The following FAM227B variants were observed in gnomAD, a reference collection of about 807,000 sequenced individuals.
FAM227B encodes family with sequence similarity 227 member B.
Under a neutral mutation model 73.8 loss-of-function variants are expected in FAM227B, and 88 were observed. The observed-to-expected ratio is 1.19, with a 90% CI of 1.00 to 1.42. FAM227B has a LOEUF of 1.42. FAM227B is among the 40% of genes most tolerant of loss of function. The probability of loss-of-function intolerance (pLI) is 0.00; values close to 1 mark genes in which losing one functional copy is unlikely to be tolerated. For synonymous variants in FAM227B, 210 were observed against 190.5 expected (o/e 1.10, Z -0.84); for missense variants, 632 against 590.9 (o/e 1.07, Z -0.72).
chr15:49,531,224 T>A (rs1347988334), intron 10 of FAM227B, among the ~76,000 whole-genome samples: 3 of 151,904 alleles, frequency 2.0e-5, no homozygotes, highest in Non-Finnish European at 4.4e-5. Flanking sequence ...ATGTGTATGT[T>A]GATTTCATGT....
At chr15:49,328,825 A>G (rs1378639717) in intron 15 of FAM227B, 150 bp from the exon 16 acceptor site, 9 of 1,408,502 alleles carry the variant, frequency 6.4e-6, no homozygotes, top group South Asian at 1.7e-5. Context: ...ATTCAGACTC[A>G]TTTGAATATT....
chr15:49,463,476 G>A (rs149702691), intron 11 of FAM227B, among the ~76,000 whole-genome samples: 4,057 of 150,806 alleles, frequency 0.027, 128 homozygotes, highest in Non-Finnish European at 0.033. Flanking sequence ...ACTGGAACCC[G>A]GAAGGCAGAG....
intron 9 of FAM227B, among the ~76,000 whole-genome samples, chr15:49,550,633 C>T (rs2072831015): frequency 6.6e-6 from 1 of 152,042 alleles, no homozygotes; most frequent in African/African-American, 2.4e-5. Context: ...GCGCTCCTCA[C>T]ATCCCAGGTG....
At chr15:49,341,710 G>C (rs2040755637) in intron 13 of FAM227B, among the ~76,000 whole-genome samples, 1 of 152,080 alleles carries the variant, frequency 6.6e-6, no homozygotes, top group Non-Finnish European at 1.5e-5. Flanking sequence ...TCTTAACATG[G>C]TTTTTGCTGC....
chr15:49,385,335 T>C (rs1381360947), intron 11 of FAM227B, among the ~76,000 whole-genome samples: 1 of 151,942 alleles, frequency 6.6e-6, no homozygotes, highest in African/African-American at 2.4e-5. Context: ...TAAGTGACCT[T>C]AGGCAAATTA....
At chr15:49,441,680 C>G (rs1378005519) in intron 11 of FAM227B, among the ~76,000 whole-genome samples, 1 of 151,660 alleles carries the variant, frequency 6.6e-6, no homozygotes. Context: ...TTCAGCCTCT[C>G]AAATAACAAT....
intron 13 of FAM227B, among the ~76,000 whole-genome samples, chr15:49,341,917 T>G (rs918396582): frequency 2.6e-5 from 4 of 152,258 alleles, no homozygotes; most frequent in Admixed American, 6.5e-5. Flanking sequence ...GAGTTTGGTT[T>G]TTTTGAATTT....
intron 11 of FAM227B, among the ~76,000 whole-genome samples, chr15:49,391,836 T>G (rs2047228486): frequency 6.6e-6 from 1 of 152,130 alleles, no homozygotes; most frequent in Admixed American, 6.6e-5. Context: ...GTCTCTGCTT[T>G]TAAGAGCCCT....
chr15:49,518,495 T>G (rs1344453404), intron 10 of FAM227B, among the ~76,000 whole-genome samples: 1 of 152,018 alleles, frequency 6.6e-6, no homozygotes, highest in Non-Finnish European at 1.5e-5. Flanking sequence ...AAAAAGAGGT[T>G]TAATGGACTC....
chr15:49,518,772 A>T (rs1012099804), intron 10 of FAM227B, among the ~76,000 whole-genome samples: 1 of 152,084 alleles, frequency 6.6e-6, no homozygotes, highest in Non-Finnish European at 1.5e-5. Context: ...TGGGTGGGGG[A>T]CACAGCCAAA....
intron 11 of FAM227B, among the ~76,000 whole-genome samples, chr15:49,372,618 G>C (rs1212965362): frequency 5.9e-5 from 9 of 152,094 alleles, no homozygotes; most frequent in Admixed American, 5.2e-4. Flanking sequence ...AGAGGGATTC[G>C]TGCCACTTCT....
intron 11 of FAM227B, among the ~76,000 whole-genome samples, chr15:49,489,864 A>T (rs1308160458): frequency 1.1e-4 from 1 of 8,952 alleles, no homozygotes; most frequent in African/African-American, 2.8e-4. Context: ...TATATTTTAT[A>T]TATATATATA....
chr15:49,550,008 G>A (rs2072620328), intron 9 of FAM227B, among the ~76,000 whole-genome samples: 1 of 117,228 alleles, frequency 8.5e-6, no homozygotes, highest in Non-Finnish European at 2.1e-5. Context: ...GCCGGGCAGG[G>A]GGCTGACCCC....
At chr15:49,527,543 C>T (rs2060294317) in intron 10 of FAM227B, among the ~76,000 whole-genome samples, 1 of 151,596 alleles carries the variant, frequency 6.6e-6, no homozygotes, top group Non-Finnish European at 1.5e-5. Flanking sequence ...TAGAAGACAC[C>T]CAAATTGGAA....
intron 9 of FAM227B, among the ~76,000 whole-genome samples, chr15:49,544,405 G>A (rs1275215204): frequency 1.3e-5 from 2 of 152,078 alleles, no homozygotes; most frequent in African/African-American, 2.4e-5. Context: ...GGAGCTTTTT[G>A]GATGAAGACT....
intron 3 of FAM227B, among the ~76,000 whole-genome samples, chr15:49,592,371 G>A (rs2076632011): frequency 6.6e-6 from 1 of 152,124 alleles, no homozygotes; most frequent in Non-Finnish European, 1.5e-5. Flanking sequence ...CCTTTTTGTG[G>A]ATGTTGATGC....
intron 13 of FAM227B, among the ~76,000 whole-genome samples, chr15:49,342,736 C>T (rs2040925478): frequency 6.6e-6 from 1 of 152,094 alleles, no homozygotes; most frequent in Non-Finnish European, 1.5e-5. Flanking sequence ...GCAATGAATT[C>T]CCTTAGTGCT....
chr15:49,348,191 T>C (rs951847560), intron 13 of FAM227B, among the ~76,000 whole-genome samples: 4 of 152,212 alleles, frequency 2.6e-5, no homozygotes, highest in Non-Finnish European at 5.9e-5. Flanking sequence ...TTATGTCCTT[T>C]AACAGAGACA....
At chr15:49,581,723 T>C (rs2075825329) in intron 5 of FAM227B, among the ~76,000 whole-genome samples, 2 of 152,230 alleles carry the variant, frequency 1.3e-5, no homozygotes, top group South Asian at 4.2e-4. Context: ...GAAAAGCAAA[T>C]GTTAAAGGAA....
Sources: gnomAD v4.1 joint callset for allele counts (sites outside exome capture counted in the v4.1 genomes callset) on GRCh38, gnomAD v4.1.1 for gene constraint, MANE v1.5 for transcripts, NCBI Gene and HGNC (gene_info 2026-07-23, HGNC 2026-07-21) for gene names.